Variants in LNPK observed in about 807,000 individuals in gnomAD.
LNPK encodes the protein lunapark, ER junction formation factor, also known as endoplasmic reticulum junction formation protein lunapark.
A neutral mutation model predicts 55.2 loss-of-function variants in LNPK; 29 were observed. The ratio of observed to expected loss-of-function variants is 0.53; its 90% confidence interval spans 0.39 to 0.72. The LOEUF (loss-of-function observed/expected upper bound fraction) is 0.72. LNPK is among the 30% of genes least tolerant of loss of function. LNPK has a pLI of 0.00. For synonymous variants in LNPK, 162 were observed against 168.2 expected, an observed-to-expected ratio of 0.96 and a Z score of 0.29; for missense variants, 467 against 494.8, an observed-to-expected ratio of 0.94 and a Z score of 0.53.
chr2:175,944,422 G>A (rs2105553285), intron 9 of LNPK, among the ~76,000 whole-genome samples: 1 of 151,980 alleles, frequency 6.6e-6, no homozygotes, highest in East Asian at 1.9e-4. Context: ...AAAATAAAGA[G>A]TTACACATTC....
At chr2:175,983,321 T>C (rs541782574) in intron 4 of LNPK, among the ~76,000 whole-genome samples, 7 of 152,226 alleles carry the variant, frequency 4.6e-5, no homozygotes, top group Admixed American at 4.6e-4. Flanking sequence ...AGAAATACAA[T>C]TGCCTAGCCC....
intron 12 of LNPK, among the ~76,000 whole-genome samples, chr2:175,934,569 A>G (rs998225881): frequency 6.6e-6 from 1 of 152,136 alleles, no homozygotes; most frequent in Non-Finnish European, 1.5e-5. Flanking sequence ...GCTAGCCAAA[A>G]AATCACTGCA....
At chr2:175,960,729 T>G (rs1014823289) in intron 8 of LNPK, among the ~76,000 whole-genome samples, 4 of 151,636 alleles carry the variant, frequency 2.6e-5, no homozygotes, top group African/African-American at 9.7e-5. Flanking sequence ...CTGAAGGAGA[T>G]AGAGACACAA....
intron 8 of LNPK, among the ~76,000 whole-genome samples, chr2:175,959,779 G>A (rs1450242943): frequency 2.0e-5 from 3 of 152,054 alleles, no homozygotes; most frequent in Non-Finnish European, 2.9e-5. Context: ...ACTGGATAGA[G>A]TCAAGACCCA....
chr2:175,941,790 C>CAAAAAAAAAAAAAAAAAAAAA (rs59162981), intron 9 of LNPK, among the ~76,000 whole-genome samples: 4 of 51,904 alleles, frequency 7.7e-5, no homozygotes, highest in Non-Finnish European at 1.0e-4. Flanking sequence ...GATTCCATCT[C>CAAAAAAAAAAAAAAAAAAAAA]AAAAAAAAAA....
chr2:175,967,706 T>C, intron 6 of LNPK: 2 of 977,160 alleles, frequency 2.0e-6, no homozygotes, highest in Non-Finnish European at 2.4e-6. Flanking sequence ...ATGATGCTTT[T>C]ACTAATTCAG....
In LNPK at chr2:175,951,465, G is replaced by A. The variant is rs1685398397; in HGVS notation, c.494-3773C>T. Among the ~76,000 whole-genome samples, 3 of 151,432 alleles carry A rather than the reference G, an allele frequency of 2.0e-5. No individual in the cohort carries two copies. In the South Asian group the frequency reaches 6.2e-4, roughly 32 times the overall value. ...CTGCCACTTATGAGTGAGAACATAC[G>A]ATGTTTGGTTTTCCATTCCTGAGTT... On this transcript the variant is annotated intron_variant, in intron 8 of 12. Transcript: ENST00000272748.
chr2:175,990,548 C>G (rs1435299322), intron 4 of LNPK, among the ~76,000 whole-genome samples: 1 of 152,054 alleles, frequency 6.6e-6, no homozygotes, highest in Non-Finnish European at 1.5e-5. Context: ...CACTGTTTCC[C>G]AAAGAAAAAA....
intron 9 of LNPK, among the ~76,000 whole-genome samples, chr2:175,942,463 G>T (rs1407633359): frequency 6.6e-6 from 1 of 151,988 alleles, no homozygotes; most frequent in African/African-American, 2.4e-5. Context: ...ATACACATAA[G>T]AAGATTCACG....
At chr2:175,938,797 T>G (rs1022593928) in intron 10 of LNPK, 2 of 153,042 alleles carry the variant, frequency 1.3e-5, no homozygotes, top group Non-Finnish European at 2.9e-5. Flanking sequence ...TATTAAAACC[T>G]GAGATGTCTT....
chr2:175,986,330 A>G (rs926274628), intron 4 of LNPK, among the ~76,000 whole-genome samples: 4 of 152,144 alleles, frequency 2.6e-5, no homozygotes, highest in African/African-American at 9.6e-5. Flanking sequence ...GCAATACAAT[A>G]AAACTAGAAA....
At chr2:175,974,512 T>A in intron 5 of LNPK, among the ~76,000 whole-genome samples, 1 of 152,198 alleles carries the variant, frequency 6.6e-6, no homozygotes, top group East Asian at 1.9e-4. Context: ...ACAGCATGAC[T>A]GTGTTCCAAT....
rs1683968096 is a variant in LNPK, at chr2:175,925,466, C to A, written c.*4501G>T. On this transcript the variant is annotated 3_prime_UTR_variant, in exon 13 of 13. Coordinates refer to ENST00000272748, the MANE Select transcript of LNPK (RefSeq NM_030650.3). ...CTGCATATGCAAAACACAGAAAACA[C>A]TACTATTGTTACTTTTAAAATGTGT... The A allele has an allele frequency of 6.6e-6, 1 of 152,138 alleles. No homozygotes were observed. The highest frequency in any genetic ancestry group is 2.4e-5 in the African/African-American group (1 of 41,400). 9.4% of individuals were successfully genotyped at this position (152,138 alleles called of 1,614,324 possible). A position where few individuals can be genotyped will look rare whatever the true frequency, so the allele number is the denominator to read the frequency against.
intron 5 of LNPK, among the ~76,000 whole-genome samples, chr2:175,976,399 A>C (rs1686915611): frequency 6.6e-6 from 1 of 152,224 alleles, no homozygotes; most frequent in African/African-American, 2.4e-5. Flanking sequence ...TGAAAGAAGA[A>C]TCAAAATAGC....
chr2:175,937,726 C>A, intron 11 of LNPK: 1 of 398,768 alleles, frequency 2.5e-6, no homozygotes, highest in Non-Finnish European at 4.5e-6. Context: ...AAATTAAAGG[C>A]AGAAAAGGCA....
intron 4 of LNPK, among the ~76,000 whole-genome samples, chr2:175,981,324 T>C (rs1201737639): frequency 2.0e-5 from 3 of 152,152 alleles, no homozygotes; most frequent in Non-Finnish European, 4.4e-5. Flanking sequence ...AAGAAGTCTA[T>C]GAAAAGGTCC....
chr2:175,990,715 T>C (rs1376523448), intron 4 of LNPK, among the ~76,000 whole-genome samples: 1 of 152,202 alleles, frequency 6.6e-6, no homozygotes, highest in Admixed American at 6.5e-5. Flanking sequence ...AGAAGGACAA[T>C]GCTATTCTTT....
intron 8 of LNPK, among the ~76,000 whole-genome samples, chr2:175,950,314 TAGG>T (rs1685334506): frequency 6.6e-6 from 1 of 152,058 alleles, no homozygotes; most frequent in African/African-American, 2.4e-5. Context: ...AAAACATACA[TAGG>T]AGGAATAAGA....
intron 1 of LNPK, among the ~76,000 whole-genome samples, chr2:175,996,421 T>G (rs919031976): frequency 6.6e-6 from 1 of 152,190 alleles, no homozygotes; most frequent in Non-Finnish European, 1.5e-5. Context: ...CCAGCTGAGT[T>G]ATGAATAAGA....
Sources: allele counts gnomAD v4.1 joint callset (sites outside exome capture counted in the v4.1 genomes callset), GRCh38; gene constraint gnomAD v4.1.1; transcripts MANE v1.5; gene names NCBI Gene and HGNC (gene_info 2026-07-23, HGNC 2026-07-21).